The following ST18 variants were observed in gnomAD, a reference collection of about 807,000 sequenced individuals.
ST18 encodes the protein ST18 C2H2C-type zinc finger transcription factor.
In ST18, 50 loss-of-function variants were observed where a neutral mutation model predicts 110.0. The observed-to-expected ratio is 0.45, with a 90% CI of 0.36 to 0.58. The LOEUF is 0.58. Among genes scored for constraint, ST18 ranks in the 20% least tolerant of loss-of-function variants. ST18 has a pLI of 0.00. For synonymous variants in ST18, 461 were observed against 452.4 expected, an observed-to-expected ratio of 1.02 and a Z score of -0.24; for missense variants, 1,306 against 1,280.1, an observed-to-expected ratio of 1.02 and a Z score of -0.31.
chr8:52,174,587 G>A (rs1248298698), intron 9 of ST18, among the ~76,000 whole-genome samples: 1 of 152,220 alleles, frequency 6.6e-6, no homozygotes, highest in Admixed American at 6.5e-5. Context: ...GATCACCAGA[G>A]AGGCGGGAGT....
intron 2 of ST18, among the ~76,000 whole-genome samples, chr8:52,320,873 A>G (rs1447269935): frequency 6.6e-6 from 1 of 152,216 alleles, no homozygotes; most frequent in Non-Finnish European, 1.5e-5. Context: ...GATATCCACA[A>G]GGATGCTCAC....
At chr8:52,207,736 T>C (rs2080603482) in intron 8 of ST18, among the ~76,000 whole-genome samples, 1 of 152,066 alleles carries the variant, frequency 6.6e-6, no homozygotes. Flanking sequence ...TCTAATATAC[T>C]TAAGAGGCCT....
intron 2 of ST18, among the ~76,000 whole-genome samples, chr8:52,268,473 A>G (rs1319479413): frequency 1.5e-5 from 1 of 68,140 alleles, no homozygotes; most frequent in Non-Finnish European, 4.0e-5. Context: ...TCTATCATCT[A>G]TCTATCTATC....
At chr8:52,338,052 T>C (rs531081134) in intron 2 of ST18, among the ~76,000 whole-genome samples, 1 of 152,324 alleles carries the variant, frequency 6.6e-6, no homozygotes, top group East Asian at 1.9e-4. Context: ...TAAATTTTAT[T>C]CATTTATTTA....
At chr8:52,146,188 G>A (rs1182339425) in intron 16 of ST18, among the ~76,000 whole-genome samples, 6 of 152,088 alleles carry the variant, frequency 3.9e-5, no homozygotes, top group Admixed American at 3.3e-4. Flanking sequence ...TGTCTGGAAC[G>A]CACATAGCTA....
At chr8:52,186,349 G>GCAAA (rs1490712925) in intron 8 of ST18, among the ~76,000 whole-genome samples, 3 of 152,176 alleles carry the variant, frequency 2.0e-5, no homozygotes, top group Middle Eastern at 3.2e-3. Flanking sequence ...CCAGGGAAAT[G>GCAAA]CAAACACCTA....
intron 2 of ST18, among the ~76,000 whole-genome samples, chr8:52,376,869 T>C (rs1346359713): frequency 3.3e-5 from 5 of 152,244 alleles, no homozygotes; most frequent in Non-Finnish European, 7.3e-5. Flanking sequence ...TCTTCATAAA[T>C]CTAAGCTCAG....
intron 2 of ST18, among the ~76,000 whole-genome samples, chr8:52,315,585 T>C (rs1053253074): frequency 2.6e-5 from 4 of 152,200 alleles, no homozygotes; most frequent in African/African-American, 9.7e-5. Flanking sequence ...TTTTCAGCCA[T>C]CGTCCACAAA....
At chr8:52,122,395 GT>G (rs1259467186) in intron 23 of ST18, among the ~76,000 whole-genome samples, 1 of 151,936 alleles carries the variant, frequency 6.6e-6, no homozygotes, top group East Asian at 1.9e-4. Context: ...CTATAGTTAT[GT>G]TTTTTCATAT....
intron 8 of ST18, among the ~76,000 whole-genome samples, chr8:52,200,636 G>A (rs1009374228): frequency 2.0e-5 from 3 of 152,228 alleles, no homozygotes; most frequent in Admixed American, 6.5e-5. Context: ...AGGAAAGCCT[G>A]TAAGAAGGTG....
At chr8:52,222,606 C>T (rs1360663911) in intron 3 of ST18, among the ~76,000 whole-genome samples, 2 of 152,236 alleles carry the variant, frequency 1.3e-5, no homozygotes, top group South Asian at 2.1e-4. Flanking sequence ...CAAATGGGAA[C>T]GAGGAGCCCT....
chr8:52,173,969 G>C (rs2065971901), intron 9 of ST18, among the ~76,000 whole-genome samples: 2 of 151,970 alleles, frequency 1.3e-5, no homozygotes, highest in African/African-American at 4.8e-5. Flanking sequence ...CTTCCTTTCT[G>C]GTAATTATCT....
intron 2 of ST18, among the ~76,000 whole-genome samples, chr8:52,299,325 C>A (rs1299963581): frequency 1.3e-5 from 2 of 152,068 alleles, no homozygotes; most frequent in Non-Finnish European, 2.9e-5. Context: ...GAATTCAATT[C>A]TCTCTTTAAT....
intron 2 of ST18, among the ~76,000 whole-genome samples, chr8:52,262,933 G>C (rs943155696): frequency 3.9e-5 from 6 of 152,210 alleles, no homozygotes; most frequent in African/African-American, 1.4e-4. Context: ...CTTATCAAAA[G>C]GGGCCAAAAC....
chr8:52,179,827 T>A (rs2068623208), intron 9 of ST18, among the ~76,000 whole-genome samples: 1 of 152,132 alleles, frequency 6.6e-6, no homozygotes, highest in Non-Finnish European at 1.5e-5. Flanking sequence ...ACTCTTCAAC[T>A]CTAAGACTTA....
At chr8:52,378,327 C>G (rs150153328) in intron 2 of ST18, among the ~76,000 whole-genome samples, 192 of 152,238 alleles carry the variant, frequency 1.3e-3, no homozygotes, top group Non-Finnish European at 2.2e-3. Flanking sequence ...ACCATTACCT[C>G]TATGTCTGTA....
intron 2 of ST18, among the ~76,000 whole-genome samples, chr8:52,292,471 C>T (rs183626606): frequency 5.9e-5 from 9 of 152,112 alleles, no homozygotes; most frequent in Non-Finnish European, 1.2e-4. Flanking sequence ...TGTGATGATA[C>T]TAGAAGATAT....
chr8:52,257,169 T>C (rs1185531585), intron 2 of ST18, among the ~76,000 whole-genome samples: 1 of 152,234 alleles, frequency 6.6e-6, no homozygotes. Flanking sequence ...TAATATTCTA[T>C]TGTTTGGATA....
intron 2 of ST18, among the ~76,000 whole-genome samples, chr8:52,328,088 A>T (rs1341035757): frequency 6.6e-6 from 1 of 152,240 alleles, no homozygotes; most frequent in Non-Finnish European, 1.5e-5. Context: ...TAGCCTTAGC[A>T]GAGTGAGAGA....
Sources: allele counts gnomAD v4.1 joint callset (sites outside exome capture counted in the v4.1 genomes callset), GRCh38; gene constraint gnomAD v4.1.1; transcripts MANE v1.5; gene names NCBI Gene and HGNC (gene_info 2026-07-23, HGNC 2026-07-21).